Variants in GARS1 observed in about 807,000 individuals in gnomAD.
GARS1 encodes the protein glycine--tRNA ligase.
Under a neutral mutation model 86.4 loss-of-function variants are expected in GARS1, and 46 were observed. The observed-to-expected ratio is 0.53, with a 90% CI of 0.42 to 0.68. GARS1 has a LOEUF of 0.68. Ranked by LOEUF, GARS1 falls within the 30% of genes least tolerant of loss-of-function variation. The pLI, the probability that GARS1 is intolerant of heterozygous loss-of-function variation, is 0.00. For missense variants in GARS1, 797 were observed against 915.6 expected, an observed-to-expected ratio of 0.87 and a Z score of 1.67; for synonymous variants, 342 against 329.8, an observed-to-expected ratio of 1.04 and a Z score of -0.40.
rs147113502 is a variant in GARS1 at position 30,633,028 on chromosome 7, A to G, written c.2094+591A>G. 7.5e-4 allele frequency among the ~76,000 whole-genome samples: 114 copies of G among 152,334 alleles called. No individual in the cohort carries two copies. The East Asian group carries it at 0.018, about 25-fold the overall frequency. ...AAGTGCCTGTTCTGTGCTTAGCTTG[A>G]TACAGAAGTAATAGGGAAAACAGAA... On this transcript the variant is annotated intron_variant, in intron 16 of 16. Transcript: ENST00000389266.
rs201399681 is a variant in GARS1 at position 30,609,615 on chromosome 7, G to C, written c.766G>C (p.Asp256His). ...TAACTATGGACAGCAAGAACTTGCGGATCTTTTTGTGAACTATAATGTAAA... is the reference window on the plus strand; with the variant it reads ...TAACTATGGACAGCAAGAACTTGCGCATCTTTTTGTGAACTATAATGTAAA... ...LDNYGQQELA[D>H]LFVNYNVKSP... Residue 256 changes from aspartate (D) to histidine (H), a missense_variant, in exon 7 of 17, where the codon GAT becomes CAT. Coordinates refer to ENST00000389266, the MANE Select transcript of GARS1 (RefSeq NM_002047.4). The C allele has an allele frequency of 3.8e-5, 62 of 1,613,268 alleles. No homozygotes were observed. The East Asian group carries it at 1.0e-3, about 27-fold the overall frequency.
intron 3 of GARS1, among the ~76,000 whole-genome samples, 196 bp downstream of exon 3, chr7:30,600,245 G>T (rs1791345624): frequency 6.6e-6 from 1 of 152,166 alleles, no homozygotes; most frequent in African/African-American, 2.4e-5. Flanking sequence ...TTTATTCCTG[G>T]ACAGCACTTT....
Position 30,601,329 on chromosome 7 carries a change from A to G in GARS1, c.569+129A>G, listed in dbSNP as rs573056537. On this transcript the variant is annotated intron_variant, in intron 4 of 16. Transcript: ENST00000389266. ...TCATTTCATGTAGAAAATCTGAAAA[A>G]TATGGAAAAGCAAAGAAATGTATAC... The G allele has an allele frequency of 2.9e-5, 25 of 853,058 alleles. 1 individual carries two copies. Among genetic ancestry groups the G allele is most frequent in the African/African-American group, 2.7e-4 (16 of 58,444 alleles). 52.8% of individuals were successfully genotyped at this position (853,058 alleles called of 1,614,324 possible). A position where few individuals can be genotyped will look rare whatever the true frequency, so the allele number is the denominator to read the frequency against.
chr7:30,633,770 C>T lies in GARS1; in HGVS notation c.2130C>T (p.Ala710=). ...SELPSIVQDL[A]NGNITWADVE... ...TGCCCAGCATAGTCCAAGACCTAGCCAATGGCAACATCACATGGGCTGATG... is the reference window on the plus strand; with the variant it reads ...TGCCCAGCATAGTCCAAGACCTAGCTAATGGCAACATCACATGGGCTGATG... The change falls in exon 17 of 17, where the codon GCC becomes GCT. Residue 710 remains alanine, a synonymous_variant. Coordinates refer to ENST00000389266, the MANE Select transcript of GARS1 (RefSeq NM_002047.4). 1.2e-6 allele frequency: 2 copies of T among 1,613,924 alleles called. No homozygotes were observed. Among genetic ancestry groups the T allele is most frequent in the African/African-American group, 2.7e-5 (2 of 74,998 alleles).
At chr7:30,602,228 A>G (rs1488730910) in intron 4 of GARS1, among the ~76,000 whole-genome samples, 1 of 151,594 alleles carries the variant, frequency 6.6e-6, no homozygotes, top group Non-Finnish European at 1.5e-5. Context: ...AGCTGGGACT[A>G]CAGGCACCTG....
At position 30,632,227 on chromosome 7, in the gene GARS1, AC is replaced by A. The variant is rs745958570; in HGVS notation, c.1904-19del. The A allele has an allele frequency of 2.7e-5, 43 of 1,612,282 alleles. No homozygotes were observed. The Middle Eastern group carries it at 8.2e-4, about 31-fold the overall frequency. ...AACTCCATTGTTTTATTTTTAATTTACTTTGTTTATTTTGGATAGCGGAAGC... is the reference window on the plus strand; with the variant it reads ...AACTCCATTGTTTTATTTTTAATTTATTTGTTTATTTTGGATAGCGGAAGC... On this transcript the variant is annotated intron_variant, in intron 15 of 16. Coordinates refer to ENST00000389266, the MANE Select transcript of GARS1 (RefSeq NM_002047.4). The surrounding 1 kb of genome is among the most constrained non-coding windows in gnomAD (Gnocchi z 4.1).
Position 30,628,634 on chromosome 7 carries a change from A to G in GARS1, c.1774A>G (p.Thr592Ala). The G allele has an allele frequency of 6.2e-7, 1 of 1,612,428 alleles. No homozygotes were observed. Among genetic ancestry groups the G allele is most frequent in the Non-Finnish European group, 8.5e-7 (1 of 1,178,534 alleles). ...GATCATGTATACGGTATTTGAACAT[A>G]CATTCCATGTACGAGAAGGAGATGA... ...GRIMYTVFEH[T>A]FHVREGDEQR... Residue 592 changes from threonine to alanine, a missense_variant, in exon 14 of 17, where the codon ACA (threonine) becomes GCA (alanine). Transcript: ENST00000389266.
At chr7:30,616,291 G>C (rs550607949) in intron 9 of GARS1, among the ~76,000 whole-genome samples, 3 of 152,284 alleles carry the variant, frequency 2.0e-5, no homozygotes, top group South Asian at 4.1e-4. Context: ...ATGTTTAGCA[G>C]AGCACTTGGA....
intron 6 of GARS1, among the ~76,000 whole-genome samples, chr7:30,608,448 C>T (rs1414361850): frequency 2.0e-5 from 3 of 152,176 alleles, no homozygotes; most frequent in African/African-American, 7.2e-5. Context: ...TCTTGAAGTT[C>T]ACTGGAACAG....
chr7:30,615,066 T>A (rs1484222329), intron 8 of GARS1, among the ~76,000 whole-genome samples: 1 of 152,164 alleles, frequency 6.6e-6, no homozygotes, highest in Non-Finnish European at 1.5e-5. Flanking sequence ...CTCCCGCAAA[T>A]AGCTACTAAA....
chr7:30,595,070 C>G lies in GARS1; in HGVS notation c.149C>G (p.Ala50Gly). The G allele has an allele frequency of 1.9e-6, 3 of 1,550,002 alleles. No homozygotes were observed. The highest frequency in any genetic ancestry group is 2.6e-6 in the Non-Finnish European group (3 of 1,153,712). Residue 50 changes from alanine to glycine, a missense_variant, in exon 1 of 17, where the codon GCC becomes GGC. Transcript: ENST00000389266. ...CCCCCGATCTCCTTGCCCGCCGCCG[C>G]CTCCCGGAGCAGCATGGACGGCGCG... The part of the protein sequence containing the change: ...SCPPISLPAA[A>G]SRSSMDGAGA...
In GARS1 at chr7:30,609,633, A is replaced by G. The variant is rs745875431; in HGVS notation, c.784A>G (p.Asn262Asp). The change falls in exon 7 of 17, where the codon AAT (asparagine) becomes GAT (aspartate). Residue 262 changes from asparagine to aspartate, a missense_variant. Transcript: ENST00000389266. The stretch of plus-strand genomic sequence containing the variant: ...ACTTGCGGATCTTTTTGTGAACTAT[A>G]ATGTAAAATCTCCCATTACTGGAAA... ...QELADLFVNY[N>D]VKSPITGNDL... 5.0e-6 allele frequency: 8 copies of G among 1,613,108 alleles called. No individual in the cohort carries two copies. The East Asian group carries it at 1.6e-4, about 31-fold the overall frequency.
chr7:30,596,381 C>A lies in GARS1; in HGVS notation c.222+1238C>A, dbSNP rs146806511. On this transcript the variant is annotated intron_variant, in intron 1 of 16. Transcript: ENST00000389266. The stretch of plus-strand genomic sequence containing the variant: ...GCATATTCTGTCTCCCTCCACCCAC[C>A]TTCCACTCCACAAATAAAATTAGGT... Among the ~76,000 whole-genome samples, 191 of 152,290 alleles carry A rather than the reference C, an allele frequency of 1.3e-3. 1 individual carries two copies. The highest frequency in any genetic ancestry group is 4.4e-3 in the African/African-American group (182 of 41,558).
Position 30,599,031 on chromosome 7 carries a change from C to A in GARS1, c.324+134C>A, listed in dbSNP as rs76632003. On this transcript the variant is annotated intron_variant, in intron 2 of 16. Transcript: ENST00000389266. Reference sequence around the variant, plus strand: ...GTTTATCTGTTTATCCATAATGCCGCCTTCTCCTTTCCCTCTACCTGGTAG... The same window carrying A: ...GTTTATCTGTTTATCCATAATGCCGACTTCTCCTTTCCCTCTACCTGGTAG... 3.4e-3 allele frequency: 2,465 copies of A among 730,026 alleles called. 24 individuals are homozygous for A. Among genetic ancestry groups the A allele is most frequent in the East Asian group, 0.028 (1,036 of 36,840 alleles). The allele number at this position is 730,026 out of a possible 1,614,324, so 45.2% of individuals were successfully genotyped here.
In GARS1 at chr7:30,632,505, G is replaced by A; in HGVS notation, c.2094+68G>A. On this transcript the variant is annotated intron_variant, in intron 16 of 16. Coordinates refer to ENST00000389266, the MANE Select transcript of GARS1 (RefSeq NM_002047.4). This position sits in a 1 kb window ranked among gnomAD's most constrained non-coding sequence, Gnocchi z 4.1. Reference sequence around the variant, plus strand: ...TACTGCTTCTTACTGATTTGTGTTGGATTTTGATGTGTTTATGCTCCCTTT... The same window carrying A: ...TACTGCTTCTTACTGATTTGTGTTGAATTTTGATGTGTTTATGCTCCCTTT... 1.3e-6 allele frequency: 2 copies of A among 1,525,026 alleles called. No individual in the cohort carries two copies. The highest frequency in any genetic ancestry group is 1.8e-6 in the Non-Finnish European group (2 of 1,100,602). 94.5% of individuals were successfully genotyped at this position (1,525,026 alleles called of 1,614,324 possible). A position where few individuals can be genotyped will look rare whatever the true frequency, so the allele number is the denominator to read the frequency against.
In GARS1 at chr7:30,633,750, A is replaced by G. The variant is rs1273624535; in HGVS notation, c.2110A>G (p.Ser704Gly). The change falls in exon 17 of 17, where the codon AGC becomes GGC. Residue 704 changes from serine (S) to glycine (G), a missense_variant. This residue lies in a region of GARS1 where 598 missense variants were observed against 738.7 expected (regional missense o/e 0.81). Transcript: ENST00000389266. ...QIRAEISELP[S>G]IVQDLANGNI... ...TTGTCTCTAGATCTCTGAGCTGCCC[A>G]GCATAGTCCAAGACCTAGCCAATGG... The G allele has an allele frequency of 1.9e-6, 3 of 1,614,000 alleles. No homozygotes were observed. Among genetic ancestry groups the G allele is most frequent in the Non-Finnish European group, 2.5e-6 (3 of 1,180,008 alleles).
chr7:30,617,404 A>C (rs1782911152), intron 10 of GARS1, 126 bp downstream of exon 10: 1 of 1,187,440 alleles, frequency 8.4e-7, no homozygotes, highest in Non-Finnish European at 1.2e-6. Flanking sequence ...TCTTTTCCTG[A>C]GCAAAACAGA....
chr7:30,619,780 T>C (rs957968784), intron 10 of GARS1, among the ~76,000 whole-genome samples: 17 of 138,602 alleles, frequency 1.2e-4, no homozygotes, highest in Admixed American at 2.8e-4. Flanking sequence ...TTTTTTCTTT[T>C]TTTTTTTTTT....
intron 8 of GARS1, among the ~76,000 whole-genome samples, chr7:30,615,270 A>C (rs1035764889): frequency 3.3e-5 from 5 of 152,228 alleles, no homozygotes; most frequent in Admixed American, 6.5e-5. Context: ...TGTAGCAGTA[A>C]AAAAGAAGAA....
Sources: allele counts gnomAD v4.1 joint callset (sites outside exome capture counted in the v4.1 genomes callset), GRCh38; gene constraint gnomAD v4.1.1; regional missense constraint gnomAD v4.1.1; non-coding constraint Gnocchi (gnomAD v3.1); transcripts MANE v1.5; gene names NCBI Gene and HGNC (gene_info 2026-07-23, HGNC 2026-07-21).